ENTREP2: variants seen among roughly 807,000 people sequenced by gnomAD.
The protein encoded by ENTREP2 is endosomal transmembrane epsin interactor 2.
At chr15:29,579,997 A>T in the ENTREP2 span, among the ~76,000 whole-genome samples, 1,231 of 152,048 alleles carry the variant, frequency 8.1e-3, 35 homozygotes, top group Non-Finnish European at 6.8e-3. Context: ...GGTGTGAGCC[A>T]CCGCGCCCGG....
chr15:29,596,189 CTG>C, the ENTREP2 span, among the ~76,000 whole-genome samples: 4 of 152,282 alleles, frequency 2.6e-5, no homozygotes, highest in East Asian at 7.7e-4. Flanking sequence ...ATGTAACTGT[CTG>C]TATCTATAAT....
the ENTREP2 span, among the ~76,000 whole-genome samples, chr15:29,649,274 T>C: frequency 1.3e-5 from 2 of 152,036 alleles, no homozygotes; most frequent in African/African-American, 4.8e-5. Context: ...ATAAAGAAGG[T>C]GATGGGAGTG....
At chr15:29,552,011 G>A in the ENTREP2 span, among the ~76,000 whole-genome samples, 1 of 152,194 alleles carries the variant, frequency 6.6e-6, no homozygotes, top group Non-Finnish European at 1.5e-5. Context: ...ACCCTTCCCT[G>A]TGGTTACAGA....
chr15:29,630,349 T>C, the ENTREP2 span, among the ~76,000 whole-genome samples: 1 of 152,208 alleles, frequency 6.6e-6, no homozygotes, highest in Non-Finnish European at 1.5e-5. Flanking sequence ...CAAATCATTG[T>C]TCCCCTGTAA....
the ENTREP2 span, among the ~76,000 whole-genome samples, chr15:29,666,079 A>G: frequency 1.3e-5 from 2 of 151,362 alleles, no homozygotes; most frequent in African/African-American, 2.4e-5. Flanking sequence ...CTGGTCTCGA[A>G]CTCCTGACTT....
At chr15:29,620,519 T>G in the ENTREP2 span, among the ~76,000 whole-genome samples, 2 of 152,172 alleles carry the variant, frequency 1.3e-5, 1 homozygote. Flanking sequence ...ACACCTATAG[T>G]CCCAGCTACT....
At chr15:29,195,012 C>T in the ENTREP2 span, 2 of 584,458 alleles carry the variant, frequency 3.4e-6, no homozygotes, top group Non-Finnish European at 4.3e-6. Flanking sequence ...CCCAGGAGGG[C>T]TGTGAAAGGC....
the ENTREP2 span, chr15:29,570,858 G>A: frequency 4.1e-5 from 8 of 197,152 alleles, no homozygotes; most frequent in Non-Finnish European, 7.1e-5. Context: ...GGCTGCGGCG[G>A]CCGCGCGCCG....
the ENTREP2 span, among the ~76,000 whole-genome samples, chr15:29,236,820 C>T: frequency 6.6e-6 from 1 of 151,780 alleles, no homozygotes; most frequent in Non-Finnish European, 1.5e-5. Flanking sequence ...CTTCACAACA[C>T]ATTTTCTGAA....
chr15:29,349,542 G>A, the ENTREP2 span, among the ~76,000 whole-genome samples: 12 of 152,290 alleles, frequency 7.9e-5, no homozygotes, highest in Middle Eastern at 3.4e-3. Context: ...CCAGAAATAG[G>A]AAGAAGGCAG....
At chr15:29,447,997 T>C in the ENTREP2 span, among the ~76,000 whole-genome samples, 1 of 151,892 alleles carries the variant, frequency 6.6e-6, no homozygotes, top group Non-Finnish European at 1.5e-5. Context: ...ACCCGGGACG[T>C]GGAGGCTGCA....
chr15:29,358,623 T>C, the ENTREP2 span, among the ~76,000 whole-genome samples: 3 of 152,128 alleles, frequency 2.0e-5, no homozygotes, highest in African/African-American at 7.2e-5. Flanking sequence ...AAATATTTCC[T>C]AATTTAAAAC....
chr15:29,197,214 C>A, the ENTREP2 span, among the ~76,000 whole-genome samples: 1 of 152,066 alleles, frequency 6.6e-6, no homozygotes, highest in Non-Finnish European at 1.5e-5. Context: ...CAGTGTTAGA[C>A]GAAGAGAGAG....
the ENTREP2 span, chr15:29,375,455 G>C: frequency 6.6e-6 from 1 of 152,176 alleles, no homozygotes; most frequent in African/African-American, 2.4e-5. Flanking sequence ...GCAAATTCTA[G>C]CCACCTTGGA....
chr15:29,598,154 T>C, the ENTREP2 span, among the ~76,000 whole-genome samples: 1 of 152,086 alleles, frequency 6.6e-6, no homozygotes, highest in Non-Finnish European at 1.5e-5. Flanking sequence ...GGTTTAGTTT[T>C]GTAAGAAAGC....
the ENTREP2 span, among the ~76,000 whole-genome samples, chr15:29,404,368 C>T: frequency 6.6e-6 from 1 of 152,016 alleles, no homozygotes; most frequent in African/African-American, 2.4e-5. Flanking sequence ...GGTCCCAGCA[C>T]CCTTGTAATA....
the ENTREP2 span, among the ~76,000 whole-genome samples, chr15:29,407,184 C>A: frequency 6.6e-6 from 1 of 152,166 alleles, no homozygotes; most frequent in African/African-American, 2.4e-5. Flanking sequence ...GCCTACTGCT[C>A]CCAGGCTACA....
the ENTREP2 span, among the ~76,000 whole-genome samples, chr15:29,288,545 C>T: frequency 1.2e-4 from 19 of 152,170 alleles, no homozygotes; most frequent in African/African-American, 4.3e-4. Context: ...TAGTAATTAA[C>T]GGTACAATAT....
the ENTREP2 span, among the ~76,000 whole-genome samples, chr15:29,460,946 C>T: frequency 6.6e-6 from 1 of 152,248 alleles, no homozygotes; most frequent in Middle Eastern, 3.4e-3. Flanking sequence ...ATCTTCTGAC[C>T]TGTTTTTAGT....
Sources: allele counts gnomAD v4.1 joint callset (sites outside exome capture counted in the v4.1 genomes callset), GRCh38; gene constraint gnomAD v4.1.1; transcripts MANE v1.5; gene names NCBI Gene and HGNC (gene_info 2026-07-23, HGNC 2026-07-21).